The following HERC3 variants were observed in gnomAD, a reference collection of about 807,000 sequenced individuals.
HERC3 encodes probable E3 ubiquitin-protein ligase HERC3.
In HERC3, 58 loss-of-function variants were observed where a neutral mutation model predicts 129.9. The observed-to-expected ratio is 0.45, with a 90% CI of 0.36 to 0.56. HERC3 has a LOEUF of 0.56. Ranked by LOEUF, HERC3 falls within the 20% of genes least tolerant of loss-of-function variation. HERC3 has a pLI of 0.00. For missense variants in HERC3, 835 were observed against 1,244.2 expected, an observed-to-expected ratio of 0.67 and a Z score of 4.95; for synonymous variants, 430 against 451.0, an observed-to-expected ratio of 0.95 and a Z score of 0.59.
chr4:88,683,894 A>AT (rs1276594462), intron 21 of HERC3, among the ~76,000 whole-genome samples: 2 of 152,062 alleles, frequency 1.3e-5, no homozygotes, highest in Non-Finnish European at 2.9e-5. Context: ...ACATCATGAG[A>AT]TTTTTTTGCA....
chr4:88,652,342 C>T (rs548383989), intron 5 of HERC3, among the ~76,000 whole-genome samples: 2 of 152,150 alleles, frequency 1.3e-5, no homozygotes, highest in Admixed American at 6.5e-5. Flanking sequence ...CAGGACCATA[C>T]CTAGGTGTTC....
intron 4 of HERC3, among the ~76,000 whole-genome samples, chr4:88,650,899 G>A (rs1729204612): frequency 1.3e-5 from 2 of 152,154 alleles, no homozygotes; most frequent in Admixed American, 1.3e-4. Context: ...TTAAAGAACA[G>A]CATATTCTTC....
the HERC3 span, among the ~76,000 whole-genome samples, chr4:88,540,319 A>G: frequency 1.3e-5 from 2 of 152,244 alleles, no homozygotes; most frequent in Admixed American, 1.3e-4. Context: ...TCAATAGCCA[A>G]TTTGATCAAG....
chr4:88,579,228 A>ATTTT, the HERC3 span, among the ~76,000 whole-genome samples: 1 of 98,558 alleles, frequency 1.0e-5, no homozygotes, highest in African/African-American at 8.9e-5. Context: ...CTAAAAAAAA[A>ATTTT]AAAAATATAT....
chr4:88,557,935 G>A, the HERC3 span, among the ~76,000 whole-genome samples: 3 of 151,542 alleles, frequency 2.0e-5, no homozygotes, highest in African/African-American at 7.3e-5. Context: ...GCCAGGCATG[G>A]TGGTGCATGC....
At chr4:88,560,587 T>C in the HERC3 span, among the ~76,000 whole-genome samples, 1 of 152,228 alleles carries the variant, frequency 6.6e-6, no homozygotes, top group Non-Finnish European at 1.5e-5. Flanking sequence ...CTTTTTAGTT[T>C]GATTTAGTCC....
intron 18 of HERC3, 123 bp downstream of exon 18, chr4:88,676,546 CTGTT>C (rs2149310519): frequency 2.9e-6 from 2 of 693,402 alleles, no homozygotes; most frequent in Non-Finnish European, 4.9e-6. Context: ...ATTCTTAAAA[CTGTT>C]TGAAACTTTT....
intron 3 of HERC3, among the ~76,000 whole-genome samples, chr4:88,634,101 C>T (rs569719148): frequency 2.0e-5 from 3 of 149,264 alleles, no homozygotes; most frequent in East Asian, 2.0e-4. Flanking sequence ...CAGTGTGGTG[C>T]GGCGGCCCAC....
At chr4:88,668,146 C>A in intron 14 of HERC3, 65 bp downstream of exon 14, 1 of 1,239,878 alleles carries the variant, frequency 8.1e-7, no homozygotes, top group Non-Finnish European at 1.2e-6. Flanking sequence ...TGACTCCTGG[C>A]TCTCAGTGGA....
chr4:88,642,752 A>G (rs1578227122), intron 3 of HERC3, among the ~76,000 whole-genome samples: 1 of 152,314 alleles, frequency 6.6e-6, no homozygotes, highest in East Asian at 1.9e-4. Flanking sequence ...AAAAGGCTGC[A>G]ATACCTAACA....
Position 88,667,457 on chromosome 4 carries a change from T to G in HERC3, c.1412T>G (p.Met471Arg). 6.2e-7 allele frequency: 1 copy of G among 1,606,032 alleles called. No individual in the cohort carries two copies. Among genetic ancestry groups the G allele is most frequent in the Non-Finnish European group, 8.5e-7 (1 of 1,174,410 alleles). ...ACTAGGGTGTTATTTGAGAAGTTAA[T>G]GAACTCTCAGCACTCCATGATTCTA... ...NSTRVLFEKL[M>R]NSQHSMILEQ... The change falls in exon 13 of 26, where the codon ATG (methionine) becomes AGG (arginine). Residue 471 changes from methionine (M) to arginine (R), a missense_variant. Transcript: ENST00000402738.
intron 16 of HERC3, among the ~76,000 whole-genome samples, chr4:88,671,560 A>G (rs868515332): frequency 9.9e-5 from 15 of 152,138 alleles, no homozygotes; most frequent in East Asian, 7.7e-4. Flanking sequence ...GTCTGGCTCT[A>G]TCACCCAGGC....
At chr4:88,550,080 C>A in the HERC3 span, among the ~76,000 whole-genome samples, 5 of 152,200 alleles carry the variant, frequency 3.3e-5, no homozygotes, top group East Asian at 9.7e-4. Context: ...AGATTATAAC[C>A]CCATAATACT....
At chr4:88,589,407 G>C (rs931266241), upstream of HERC3, among the ~76,000 whole-genome samples, 1 of 152,140 alleles carries the variant, frequency 6.6e-6, no homozygotes, top group African/African-American at 2.4e-5. Flanking sequence ...TTTTTAACAT[G>C]AATGTTTTTC....
chr4:88,577,603 G>GTGTATATATATATATACATATATA, the HERC3 span, among the ~76,000 whole-genome samples: 3 of 98,814 alleles, frequency 3.0e-5, no homozygotes, highest in African/African-American at 2.2e-4. Context: ...GTGTATGTGT[G>GTGTATATATATATATACATATATA]TGTATATATA....
chr4:88,634,256 AC>A (rs961169752), intron 3 of HERC3, among the ~76,000 whole-genome samples: 2 of 152,204 alleles, frequency 1.3e-5, no homozygotes, highest in African/African-American at 4.8e-5. Context: ...AGCCCATGCT[AC>A]TGGGGCCTTG....
the HERC3 span, among the ~76,000 whole-genome samples, chr4:88,549,447 G>A: frequency 4.6e-4 from 70 of 152,132 alleles, no homozygotes; most frequent in African/African-American, 1.6e-3. Flanking sequence ...TAGTTTTTCA[G>A]CTCTTCCTCT....
the HERC3 span, among the ~76,000 whole-genome samples, chr4:88,565,850 CT>C: frequency 1.3e-4 from 20 of 152,192 alleles, no homozygotes; most frequent in Admixed American, 1.2e-3. Flanking sequence ...TTGTGGTCTC[CT>C]TTCCTTCCTT....
At position 88,596,124 on chromosome 4, in the gene HERC3, C is replaced by T. The variant is rs1578133137; in HGVS notation, c.-30+510C>T. ...TCGGCCTTCCAAAGTGTTAGGATTA[C>T]AGGCGTGAGCCACCGCGCCTGGCCA... On this transcript the variant is annotated intron_variant, in intron 2 of 25. Transcript: ENST00000402738. Among the ~76,000 whole-genome samples the T allele has an allele frequency of 2.0e-5, 3 of 152,274 alleles. No individual in the cohort carries two copies. In the South Asian group the frequency reaches 6.2e-4, roughly 32 times the overall value.
Sources: gnomAD v4.1 joint callset for allele counts (sites outside exome capture counted in the v4.1 genomes callset) on GRCh38, gnomAD v4.1.1 for gene constraint, MANE v1.5 for transcripts, NCBI Gene and HGNC (gene_info 2026-07-23, HGNC 2026-07-21) for gene names.